The following ESR2 variants were observed in gnomAD, a reference collection of about 807,000 sequenced individuals.
ESR2 encodes the protein estrogen receptor 2.
ESR2 carries 36 observed loss-of-function variants against 49.6 expected under a neutral mutation model. The ratio of observed to expected loss-of-function variants is 0.73; its 90% CI spans 0.56 to 0.96. ESR2 has a LOEUF of 0.96. ESR2 is among the 40% of genes least tolerant of loss of function. The probability of loss-of-function intolerance (pLI) is 0.00; values close to 1 mark genes in which losing one functional copy is unlikely to be tolerated. For missense variants in ESR2, 714 were observed against 693.0 expected, an observed-to-expected ratio of 1.03 and a Z score of -0.34; for synonymous variants, 320 against 266.1, an observed-to-expected ratio of 1.20 and a Z score of -1.97.
intron 1 of ESR2, among the ~76,000 whole-genome samples, chr14:64,323,508 G>A (rs1233539901): frequency 7.7e-6 from 1 of 129,764 alleles, no homozygotes; most frequent in Non-Finnish European, 1.6e-5. Flanking sequence ...GCCTGGCCAA[G>A]CACACGTTAT....
chr14:64,279,366 ATTCTT>A (rs1280622930), intron 3 of ESR2, among the ~76,000 whole-genome samples: 4 of 152,180 alleles, frequency 2.6e-5, no homozygotes, highest in African/African-American at 7.2e-5. Context: ...ACAGAGTTTG[ATTCTT>A]TTCATCAACA....
intron 6 of ESR2, among the ~76,000 whole-genome samples, chr14:64,256,054 A>G (rs1364307787): frequency 3.3e-5 from 5 of 152,226 alleles, no homozygotes; most frequent in Non-Finnish European, 7.4e-5. Context: ...TTATAATGCA[A>G]GAGTTGGGGT....
intron 1 of ESR2, among the ~76,000 whole-genome samples, chr14:64,286,452 C>G (rs8011682): frequency 0.35 from 53,213 of 151,656 alleles, 9,942 homozygotes; most frequent in African/African-American, 0.46. Context: ...AGGTGCCTAC[C>G]ACCATGCCCA....
chr14:64,275,712 G>T (rs906109819), intron 3 of ESR2, among the ~76,000 whole-genome samples: 12 of 150,412 alleles, frequency 8.0e-5, no homozygotes, highest in African/African-American at 2.9e-4. Context: ...CAAAAAAAAA[G>T]AAAAAAAAAG....
chr14:64,284,804 A>C (rs1282225825), intron 1 of ESR2, among the ~76,000 whole-genome samples: 2 of 149,340 alleles, frequency 1.3e-5, no homozygotes, highest in Non-Finnish European at 3.0e-5. Context: ...CCTTTTTTCC[A>C]CTGTCTTTTG....
chr14:64,290,565 G>T (rs1268219545), intron 1 of ESR2, among the ~76,000 whole-genome samples: 2 of 151,990 alleles, frequency 1.3e-5, no homozygotes, highest in African/African-American at 4.8e-5. Flanking sequence ...ACCATGGCCA[G>T]CTAATTTTTT....
At position 64,282,868 on chromosome 14, in the gene ESR2, G is replaced by T. The variant is rs577163101; in HGVS notation, c.118C>A (p.His40Asn). 6.2e-7 allele frequency: 1 copy of T among 1,614,214 alleles called. No individual in the cohort carries two copies. The highest frequency in any genetic ancestry group is 1.3e-5 in the African/African-American group (1 of 75,042). Residue 40 changes from histidine to asparagine, a missense_variant, in exon 2 of 9, where the codon CAC (histidine) becomes AAC (asparagine). By Grantham distance (68) the His-to-Asn change is moderately conservative. Transcript: ENST00000341099. Reference protein sequence around the residue: ...IYIPSSYVDSHHEYPAMTFYS... With the variant: ...IYIPSSYVDSNHEYPAMTFYS... Reference sequence around the variant, plus strand: ...AATGTCATGGCTGGATATTCATGGTGGCTGTCTACATAGGAGGAAGGTATG... The same window carrying T: ...AATGTCATGGCTGGATATTCATGGTTGCTGTCTACATAGGAGGAAGGTATG...
chr14:64,299,076 C>T (rs2076992543), upstream of ESR2, among the ~76,000 whole-genome samples: 1 of 150,884 alleles, frequency 6.6e-6, no homozygotes, highest in Admixed American at 6.6e-5. Context: ...AAATGCAATT[C>T]TGAAAATGCA....
chr14:64,298,214 C>T (rs1017085058), upstream of ESR2, among the ~76,000 whole-genome samples: 1 of 152,198 alleles, frequency 6.6e-6, no homozygotes, highest in African/African-American at 2.4e-5. Context: ...AGCCTGGACA[C>T]CACAGTAGGC....
At chr14:64,284,514 G>A (rs1490720913) in intron 1 of ESR2, among the ~76,000 whole-genome samples, 1 of 151,340 alleles carries the variant, frequency 6.6e-6, no homozygotes, top group East Asian at 1.9e-4. Flanking sequence ...TAGAGACAGG[G>A]TTTCACCGTG....
At chr14:64,295,198 A>AC (rs200620441), upstream of ESR2, among the ~76,000 whole-genome samples, 50,628 of 148,406 alleles carry the variant, frequency 0.34, 8,943 homozygotes, top group African/African-American at 0.46. Context: ...CCATTGTGAG[A>AC]ACCCCCCAGT....
At chr14:64,292,328 G>A (rs1378606883) in intron 1 of ESR2, among the ~76,000 whole-genome samples, 1 of 152,210 alleles carries the variant, frequency 6.6e-6, no homozygotes. Flanking sequence ...GGGCAGTGGG[G>A]TAGGTAGAGG....
At position 64,257,348 on chromosome 14, in the gene ESR2, G is replaced by T. The variant is rs145690231; in HGVS notation, c.969C>A (p.Ser323Arg). 4 of 1,612,986 alleles carry T rather than the reference G, an allele frequency of 2.5e-6. No homozygotes were observed. The highest frequency in any genetic ancestry group is 2.2e-5 in the East Asian group (1 of 44,878). The change falls in exon 6 of 9, where the codon AGC (serine) becomes AGA (arginine). Residue 323 changes from serine to arginine, a missense_variant. Coordinates refer to ENST00000341099, the MANE Select transcript of ESR2 (RefSeq NM_001437.3). Reference sequence around the variant, plus strand: ...CCAAGAGCCGCACTTGGTCGAACAGGCTGAGCTCCACAAAGCCTGGGGAAA... The same window carrying T: ...CCAAGAGCCGCACTTGGTCGAACAGTCTGAGCTCCACAAAGCCTGGGGAAA... ...AKKIPGFVEL[S>R]LFDQVRLLES...
upstream of ESR2, among the ~76,000 whole-genome samples, chr14:64,295,747 A>T (rs1017251809): frequency 5.3e-5 from 8 of 152,120 alleles, no homozygotes; most frequent in African/African-American, 1.7e-4. Flanking sequence ...ATGATGGTTT[A>T]AAAAAATCAG....
chr14:64,310,187 C>T (rs2077168467), intron 1 of ESR2, among the ~76,000 whole-genome samples: 2 of 151,410 alleles, frequency 1.3e-5, no homozygotes, highest in Admixed American at 1.3e-4. Flanking sequence ...GCAGGAGAAT[C>T]GCTTGAATCT....
chr14:64,262,326 G>A (rs1458296530), intron 4 of ESR2, among the ~76,000 whole-genome samples: 1 of 151,852 alleles, frequency 6.6e-6, no homozygotes, highest in Non-Finnish European at 1.5e-5. Context: ...TGTTGCCCAG[G>A]CTGGTCTCGA....
upstream of ESR2, among the ~76,000 whole-genome samples, chr14:64,295,092 A>T (rs993468916): frequency 6.6e-6 from 1 of 152,152 alleles, no homozygotes; most frequent in African/African-American, 2.4e-5. Flanking sequence ...CCCCAGCAGG[A>T]GCCCCAGGGT....
chr14:64,305,595 A>G (rs2077084253), intron 1 of ESR2, among the ~76,000 whole-genome samples: 1 of 150,552 alleles, frequency 6.6e-6, no homozygotes, highest in South Asian at 2.1e-4. Context: ...GGTGTGAACC[A>G]GGGCAGCGGA....
At chr14:64,331,151 TAGAA>T (rs773843294) in intron 1 of ESR2, among the ~76,000 whole-genome samples, 1 of 151,976 alleles carries the variant, frequency 6.6e-6, no homozygotes, top group Non-Finnish European at 1.5e-5. Flanking sequence ...TTTAATCACA[TAGAA>T]AGATTGAAAA....
Sources: allele counts gnomAD v4.1 joint callset (sites outside exome capture counted in the v4.1 genomes callset), GRCh38; gene constraint gnomAD v4.1.1; transcripts MANE v1.5; gene names NCBI Gene and HGNC (gene_info 2026-07-23, HGNC 2026-07-21).